TAF4: variants seen among roughly 807,000 people sequenced by gnomAD.
The protein encoded by TAF4 is TATA-box binding protein associated factor 4.
TAF4 carries 9 observed loss-of-function variants against 90.3 expected under a neutral mutation model. The ratio of observed to expected loss-of-function variants is 0.10; its 90% confidence interval spans 0.06 to 0.17. The LOEUF is 0.17. Among genes scored for constraint, TAF4 ranks in the 10% least tolerant of loss-of-function variants. The pLI, the probability that TAF4 is intolerant of heterozygous loss-of-function variation, is 1.00. For missense variants in TAF4, 1,351 were observed against 1,370.7 expected, an observed-to-expected ratio of 0.99 and a Z score of 0.23; for synonymous variants, 818 against 638.9, an observed-to-expected ratio of 1.28 and a Z score of -4.23.
chr20:62,045,193 A>G (rs1384470732), intron 1 of TAF4, among the ~76,000 whole-genome samples: 2 of 152,224 alleles, frequency 1.3e-5, no homozygotes, highest in African/African-American at 4.8e-5. Flanking sequence ...ACGGAATCCC[A>G]TCGGGATGCT....
chr20:61,983,050 G>A (rs570025020), intron 14 of TAF4, among the ~76,000 whole-genome samples: 50 of 152,318 alleles, frequency 3.3e-4, no homozygotes, highest in African/African-American at 7.5e-4. Context: ...TGAGTGAGGC[G>A]GAGGCGGGAG....
intron 1 of TAF4, among the ~76,000 whole-genome samples, chr20:62,062,377 G>C (rs537776334): frequency 6.6e-6 from 1 of 152,220 alleles, no homozygotes; most frequent in South Asian, 2.1e-4. Context: ...ACTCTGGTTT[G>C]GGATACTGGT....
chr20:62,019,553 G>T (rs2055830852), intron 1 of TAF4, among the ~76,000 whole-genome samples: 1 of 152,232 alleles, frequency 6.6e-6, no homozygotes, highest in African/African-American at 2.4e-5. Context: ...CTTGAGGCGG[G>T]CAATGCAGAG....
Position 62,012,819 on chromosome 20 carries a change from A to G in TAF4, c.1637T>C (p.Val546Ala). The G allele has an allele frequency of 6.2e-7, 1 of 1,611,152 alleles. No homozygotes were observed. The highest frequency in any genetic ancestry group is 1.1e-5 in the South Asian group (1 of 90,548). ...PSATLQRSPGVQPQLVLGGAA... is the reference protein window; with the variant it reads ...PSATLQRSPGAQPQLVLGGAA... ...ATCCGCCGCCTGCCCTCTCACCTGG[A>G]CGCCGGGCGAGCGCTGCAGGGTTGC... The change falls in exon 3 of 15, where the codon GTC becomes GCC. Residue 546 changes from valine (V) to alanine (A), a missense_variant. Physicochemically the swap from Val to Ala is moderately conservative, Grantham distance 64. This residue lies in a region of TAF4 where 143 missense variants were observed against 176.3 expected (regional missense o/e 0.81). Coordinates refer to ENST00000252996, the MANE Select transcript of TAF4 (RefSeq NM_003185.4).
chr20:62,015,702 G>GGA (rs1405432909), intron 1 of TAF4, among the ~76,000 whole-genome samples: 1 of 152,182 alleles, frequency 6.6e-6, no homozygotes, highest in Non-Finnish European at 1.5e-5. Context: ...AATGGGAAAT[G>GGA]ATAACCTCGA....
intron 1 of TAF4, among the ~76,000 whole-genome samples, chr20:62,063,247 G>A (rs768459377): frequency 1.3e-5 from 2 of 152,072 alleles, no homozygotes; most frequent in Admixed American, 6.5e-5. Flanking sequence ...TCACATACTT[G>A]GACAAGAAAT....
intron 4 of TAF4, 126 bp from the exon 5 acceptor site, chr20:62,009,300 A>G: frequency 9.8e-7 from 1 of 1,020,718 alleles, no homozygotes; most frequent in Non-Finnish European, 1.4e-6. Context: ...TTCTTTCAAG[A>G]AAACGCACCA....
At chr20:62,052,150 A>G (rs1236219290) in intron 1 of TAF4, among the ~76,000 whole-genome samples, 1 of 152,042 alleles carries the variant, frequency 6.6e-6, no homozygotes, top group Non-Finnish European at 1.5e-5. Context: ...AGTGGGGTGC[A>G]GTAGCGGGGT....
intron 1 of TAF4, among the ~76,000 whole-genome samples, chr20:62,045,967 C>G (rs2055990962): frequency 6.6e-6 from 1 of 152,220 alleles, no homozygotes; most frequent in South Asian, 2.1e-4. Flanking sequence ...AATACTGATT[C>G]TCTCCTAAAG....
chr20:62,027,211 A>T (rs1300782896), intron 1 of TAF4, among the ~76,000 whole-genome samples: 1 of 152,194 alleles, frequency 6.6e-6, no homozygotes, highest in Non-Finnish European at 1.5e-5. Flanking sequence ...CTGGAGTGGA[A>T]TGAAGTTTGG....
At chr20:62,019,830 A>C (rs6142922) in intron 1 of TAF4, among the ~76,000 whole-genome samples, 105,008 of 152,184 alleles carry the variant, frequency 0.69, 39,693 homozygotes, top group Non-Finnish European at 0.85. Flanking sequence ...CTTGAAGCCA[A>C]AATGTAGAGC....
intron 1 of TAF4, among the ~76,000 whole-genome samples, chr20:62,054,943 T>C (rs1316777994): frequency 6.6e-6 from 1 of 151,954 alleles, no homozygotes; most frequent in Non-Finnish European, 1.5e-5. Context: ...ACAAGAGCCT[T>C]TGTCTTCACC....
intron 1 of TAF4, among the ~76,000 whole-genome samples, chr20:62,031,444 A>G (rs931878241): frequency 5.9e-5 from 9 of 152,196 alleles, no homozygotes; most frequent in Non-Finnish European, 1.3e-4. Context: ...CAAGACTCTA[A>G]AAATCCTGCA....
chr20:61,987,542 G>C (rs1178493248), intron 14 of TAF4, among the ~76,000 whole-genome samples: 2 of 152,140 alleles, frequency 1.3e-5, no homozygotes, highest in African/African-American at 2.4e-5. Context: ...ACACCTACTA[G>C]AGCGGCCAAA....
chr20:62,012,643 A>G, intron 3 of TAF4, 172 bp downstream of exon 3: 1 of 866,764 alleles, frequency 1.2e-6, no homozygotes, highest in Non-Finnish European at 1.6e-6. Flanking sequence ...GACTTATCCC[A>G]TGTTGGTGGT....
intron 9 of TAF4, among the ~76,000 whole-genome samples, chr20:62,001,517 C>G (rs1708239478): frequency 6.6e-6 from 1 of 152,218 alleles, no homozygotes; most frequent in African/African-American, 2.4e-5. Flanking sequence ...GCAGCCTCCA[C>G]TTGCCGCCTC....
intron 1 of TAF4, among the ~76,000 whole-genome samples, chr20:62,048,399 C>A (rs1197499226): frequency 6.6e-6 from 1 of 152,148 alleles, no homozygotes; most frequent in Non-Finnish European, 1.5e-5. Flanking sequence ...GACAGGGCCA[C>A]CTGCAAGGCC....
intron 14 of TAF4, among the ~76,000 whole-genome samples, chr20:61,989,266 G>A (rs986932927): frequency 1.3e-5 from 2 of 150,948 alleles, no homozygotes; most frequent in African/African-American, 2.4e-5. Context: ...CAAGTGCCCC[G>A]ATCCTGGCCT....
intron 14 of TAF4, among the ~76,000 whole-genome samples, chr20:61,977,132 G>A (rs1299442920): frequency 4.0e-4 from 57 of 143,048 alleles, no homozygotes; most frequent in Non-Finnish European, 6.5e-4. Flanking sequence ...ACCGCCCAGC[G>A]GGGCACGCGC....
Sources: allele counts gnomAD v4.1 joint callset (sites outside exome capture counted in the v4.1 genomes callset), GRCh38; gene constraint gnomAD v4.1.1; regional missense constraint gnomAD v4.1.1; transcripts MANE v1.5; gene names NCBI Gene and HGNC (gene_info 2026-07-23, HGNC 2026-07-21).